GRIK2: variants seen among roughly 807,000 people sequenced by gnomAD.
GRIK2 encodes the protein glutamate receptor ionotropic, kainate 2.
GRIK2 carries 32 observed loss-of-function variants against 100.3 expected under a neutral mutation model. The ratio of observed to expected loss-of-function variants is 0.32; its 90% confidence interval spans 0.24 to 0.43. The LOEUF is 0.43. Ranked by LOEUF, GRIK2 falls within the 20% of genes least tolerant of loss-of-function variation. GRIK2 has a pLI of 1.00. For synonymous variants in GRIK2, 417 were observed against 389.4 expected, an observed-to-expected ratio of 1.07 and a Z score of -0.83; for missense variants, 843 against 1,114.9, an observed-to-expected ratio of 0.76 and a Z score of 3.47.
intron 11 of GRIK2, chr6:101,860,947 C>A (rs1260604516): frequency 1.2e-5 from 11 of 919,138 alleles, no homozygotes; most frequent in Non-Finnish European, 1.4e-5. Context: ...GAAAAAAGAC[C>A]TTTTCCCTGA....
At chr6:101,689,438 G>T (rs190516146) in intron 7 of GRIK2, among the ~76,000 whole-genome samples, 1 of 152,014 alleles carries the variant, frequency 6.6e-6, no homozygotes, top group Non-Finnish European at 1.5e-5. Context: ...ACAGTAAATT[G>T]GATTCATAAG....
intron 10 of GRIK2, among the ~76,000 whole-genome samples, chr6:101,839,799 G>A (rs1207882625): frequency 1.3e-5 from 2 of 152,114 alleles, no homozygotes; most frequent in African/African-American, 2.4e-5. Flanking sequence ...TCAGAATTTA[G>A]GAAGACATCT....
At position 101,863,726 on chromosome 6, in the gene GRIK2, T is replaced by G. The variant is rs1338877598; in HGVS notation, c.1524+4233T>G. ...TAACTGTGCAAATTTGGGCACCGTG[T>G]GTCTAACTTTTCTCTTTCTCTTACT... On this transcript the variant is annotated intron_variant, in intron 11 of 16. Coordinates refer to ENST00000369134, the MANE Select transcript of GRIK2 (RefSeq NM_021956.5). Among the ~76,000 whole-genome samples, 8 of 152,244 alleles carry G rather than the reference T, an allele frequency of 5.3e-5. No individual in the cohort carries two copies. The East Asian group carries it at 1.5e-3, about 29-fold the overall frequency.
intron 10 of GRIK2, among the ~76,000 whole-genome samples, chr6:101,842,720 A>G (rs1368366618): frequency 6.6e-6 from 1 of 152,230 alleles, no homozygotes; most frequent in East Asian, 1.9e-4. Context: ...CTGATCATTG[A>G]GGAATAATTC....
chr6:101,792,806 C>A (rs1047836565), intron 7 of GRIK2, among the ~76,000 whole-genome samples: 3 of 152,066 alleles, frequency 2.0e-5, no homozygotes, highest in Non-Finnish European at 4.4e-5. Context: ...AGAGTTTTTT[C>A]CAACTTGGTT....
At chr6:101,463,317 A>T (rs1771442180) in intron 2 of GRIK2, among the ~76,000 whole-genome samples, 1 of 152,232 alleles carries the variant, frequency 6.6e-6, no homozygotes, top group African/African-American at 2.4e-5. Flanking sequence ...ATATTACTTA[A>T]TAAATGCCTT....
intron 7 of GRIK2, among the ~76,000 whole-genome samples, chr6:101,791,809 T>A (rs1218707194): frequency 6.6e-6 from 1 of 151,744 alleles, no homozygotes; most frequent in African/African-American, 2.4e-5. Context: ...CAGTGTGGTG[T>A]TAAAGTCTCC....
At chr6:101,789,300 G>A (rs1479895490) in intron 7 of GRIK2, among the ~76,000 whole-genome samples, 4 of 152,150 alleles carry the variant, frequency 2.6e-5, no homozygotes, top group Admixed American at 2.0e-4. Flanking sequence ...GTCCTGAATG[G>A]CAATGCCTAG....
At chr6:101,676,588 T>G (rs746112288) in intron 4 of GRIK2, 35 bp from the exon 5 acceptor site, 1 of 1,278,262 alleles carries the variant, frequency 7.8e-7, no homozygotes. Context: ...TTTTTATCTC[T>G]AATATTCTTT....
intron 2 of GRIK2, among the ~76,000 whole-genome samples, chr6:101,573,925 G>T (rs1777673960): frequency 6.6e-6 from 1 of 151,836 alleles, no homozygotes; most frequent in African/African-American, 2.4e-5. Context: ...AAAATCTTTT[G>T]TCAGTAATAT....
At chr6:101,666,328 T>C (rs1220338398) in intron 4 of GRIK2, among the ~76,000 whole-genome samples, 2 of 152,182 alleles carry the variant, frequency 1.3e-5, no homozygotes, top group African/African-American at 4.8e-5. Context: ...CCTGTAACAA[T>C]GTGCATGTAG....
At chr6:101,504,087 T>C (rs1562185745) in intron 2 of GRIK2, among the ~76,000 whole-genome samples, 1 of 152,132 alleles carries the variant, frequency 6.6e-6, no homozygotes, top group Non-Finnish European at 1.5e-5. Context: ...CAATATAATA[T>C]GTATAAAGTG....
chr6:101,569,762 C>G (rs372998718), intron 2 of GRIK2, among the ~76,000 whole-genome samples: 1 of 151,996 alleles, frequency 6.6e-6, no homozygotes, highest in East Asian at 1.9e-4. Flanking sequence ...CATCTTTAGC[C>G]TCCTAAATCC....
intron 4 of GRIK2, among the ~76,000 whole-genome samples, chr6:101,645,469 A>G (rs994054589): frequency 2.0e-5 from 3 of 151,914 alleles, no homozygotes; most frequent in African/African-American, 4.8e-5. Context: ...TATATAAAAT[A>G]AGTGGCACAT....
At chr6:101,774,399 G>A (rs1266666714) in intron 7 of GRIK2, among the ~76,000 whole-genome samples, 1 of 152,098 alleles carries the variant, frequency 6.6e-6, no homozygotes, top group Non-Finnish European at 1.5e-5. Flanking sequence ...CCTTGGTATT[G>A]ACTCTTCTCT....
At chr6:101,746,634 A>C (rs1272511092) in intron 7 of GRIK2, among the ~76,000 whole-genome samples, 1 of 152,076 alleles carries the variant, frequency 6.6e-6, no homozygotes, top group Non-Finnish European at 1.5e-5. Context: ...GCCTACCTTC[A>C]AATTTTTGTC....
Position 101,636,651 on chromosome 6 carries a change from TCA to T in GRIK2, c.541+10019_541+10020del, listed in dbSNP as rs200299137. Among the ~76,000 whole-genome samples the T allele has an allele frequency of 1.2e-4, 18 of 152,052 alleles. 1 individual carries two copies. The East Asian group carries it at 3.5e-3, about 29-fold the overall frequency. On this transcript the variant is annotated intron_variant, in intron 4 of 16. Transcript: ENST00000369134. ...AAATCAAATTTTGAATCTGTAGCAA[TCA>T]CACAATTCATGTTTCTGTAGATAGT...
intron 2 of GRIK2, among the ~76,000 whole-genome samples, chr6:101,410,076 G>A (rs904010433): frequency 7.2e-5 from 11 of 152,006 alleles, no homozygotes; most frequent in African/African-American, 2.7e-4. Flanking sequence ...TTTAATTGGT[G>A]TTCTCAAATA....
At chr6:101,622,217 AG>A (rs1188778644) in intron 3 of GRIK2, 101 bp downstream of exon 3, 2 of 651,936 alleles carry the variant, frequency 3.1e-6, no homozygotes, top group Non-Finnish European at 5.3e-6. Context: ...ATAAGTTGTT[AG>A]GAATATTTGC....
Sources: allele counts gnomAD v4.1 joint callset (sites outside exome capture counted in the v4.1 genomes callset), GRCh38; gene constraint gnomAD v4.1.1; transcripts MANE v1.5; gene names NCBI Gene and HGNC (gene_info 2026-07-23, HGNC 2026-07-21).